Variants in ESRRG observed in about 807,000 individuals in gnomAD.
ESRRG encodes the protein estrogen related receptor gamma.
A neutral mutation model predicts 44.0 loss-of-function variants in ESRRG; 13 were observed. The ratio of observed to expected loss-of-function variants is 0.30; its 90% CI spans 0.19 to 0.47. The LOEUF is 0.47. Ranked by LOEUF, ESRRG falls within the 20% of genes least tolerant of loss-of-function variation. ESRRG has a pLI of 1.00. For missense variants in ESRRG, 395 were observed against 580.6 expected, an observed-to-expected ratio of 0.68 and a Z score of 3.29; for synonymous variants, 215 against 214.6, an observed-to-expected ratio of 1.00 and a Z score of -0.02.
chr1:216,679,273 C>T (rs993257781), intron 1 of ESRRG, among the ~76,000 whole-genome samples: 6 of 152,164 alleles, frequency 3.9e-5, no homozygotes, highest in Admixed American at 6.6e-5. Flanking sequence ...GCCTTGTACC[C>T]GTCACTGTTA....
At chr1:216,673,531 C>T (rs907459280) in intron 2 of ESRRG, among the ~76,000 whole-genome samples, 11 of 152,168 alleles carry the variant, frequency 7.2e-5, no homozygotes, top group Admixed American at 2.0e-4. Context: ...CTCTCCAATA[C>T]GGAGTAAAAC....
At chr1:216,657,456 T>C (rs1209422183) in intron 2 of ESRRG, among the ~76,000 whole-genome samples, 2 of 152,174 alleles carry the variant, frequency 1.3e-5, no homozygotes, top group African/African-American at 2.4e-5. Context: ...GGAGGCCCTA[T>C]ATTATACCTC....
At chr1:216,878,517 A>G (rs986221283) in intron 2 of ESRRG, among the ~76,000 whole-genome samples, 6 of 152,060 alleles carry the variant, frequency 3.9e-5, no homozygotes, top group Admixed American at 3.3e-4. Flanking sequence ...ATTTTCTTCT[A>G]TTTCTTTCAT....
chr1:216,977,367 CACACAT>C lies in ESRRG; in HGVS notation c.-105-37700_-105-37695del, dbSNP rs774898032. On this transcript the variant is annotated intron_variant, in intron 1 of 7. Coordinates refer to the ESRRG transcript ENST00000359162. Reference sequence around the variant, plus strand: ...ACACACACACACACACACACACACACACACATATACATATAGATAGATGCCTAAGAT... The same window carrying C: ...ACACACACACACACACACACACACACATACATATAGATAGATGCCTAAGAT... Among the ~76,000 whole-genome samples the C allele has an allele frequency of 7.7e-4, 117 of 151,838 alleles. 2 individuals carry two copies. In the East Asian group the frequency reaches 0.019, roughly 25 times the overall value.
intron 2 of ESRRG, among the ~76,000 whole-genome samples, chr1:216,763,078 A>C (rs528123350): frequency 5.1e-4 from 77 of 152,236 alleles, no homozygotes; most frequent in African/African-American, 1.6e-3. Context: ...GGGTTAGTGC[A>C]GGCAAGAAGG....
At chr1:216,788,566 G>A (rs1259065042) in intron 2 of ESRRG, among the ~76,000 whole-genome samples, 2 of 152,116 alleles carry the variant, frequency 1.3e-5, no homozygotes, top group African/African-American at 4.8e-5. Context: ...AGATGGACAA[G>A]GAGATGAGTG....
At chr1:216,726,782 C>T (rs1187018737), upstream of ESRRG, among the ~76,000 whole-genome samples, 3 of 152,076 alleles carry the variant, frequency 2.0e-5, no homozygotes, top group Admixed American at 2.0e-4. Context: ...TCATAAATAT[C>T]CAAACAAATT....
intron 2 of ESRRG, among the ~76,000 whole-genome samples, chr1:216,672,825 T>A (rs989105084): frequency 1.3e-5 from 2 of 152,034 alleles, no homozygotes; most frequent in Admixed American, 1.3e-4. Context: ...CAAGATCACA[T>A]CACTGTACAA....
At chr1:216,881,343 T>C (rs1023116397) in intron 2 of ESRRG, among the ~76,000 whole-genome samples, 3 of 152,164 alleles carry the variant, frequency 2.0e-5, no homozygotes, top group East Asian at 1.9e-4. Flanking sequence ...AAATTAACTA[T>C]AGTTAGCAAG....
intron 1 of ESRRG, among the ~76,000 whole-genome samples, chr1:216,719,525 T>C (rs1161436426): frequency 6.6e-6 from 1 of 152,032 alleles, no homozygotes. Flanking sequence ...TTCTTTTCTT[T>C]TTTCACTTTA....
intron 2 of ESRRG, among the ~76,000 whole-genome samples, chr1:216,898,116 A>G (rs912601578): frequency 6.6e-6 from 1 of 152,228 alleles, no homozygotes; most frequent in East Asian, 1.9e-4. Flanking sequence ...GCAGGGGGAA[A>G]AAATCAGAAA....
chr1:216,782,347 G>A (rs2093965642), intron 2 of ESRRG, among the ~76,000 whole-genome samples: 1 of 151,976 alleles, frequency 6.6e-6, no homozygotes, highest in Non-Finnish European at 1.5e-5. Flanking sequence ...TTCTTGGGGT[G>A]ATAAGTATTT....
intron 3 of ESRRG, among the ~76,000 whole-genome samples, chr1:216,576,797 T>G (rs1298441281): frequency 6.6e-6 from 1 of 152,034 alleles, no homozygotes; most frequent in East Asian, 1.9e-4. Flanking sequence ...GGAGCCCTAA[T>G]CTATGACACA....
chr1:216,711,388 C>T (rs1307848128), intron 1 of ESRRG, among the ~76,000 whole-genome samples: 2 of 152,164 alleles, frequency 1.3e-5, no homozygotes, highest in Admixed American at 6.5e-5. Flanking sequence ...AGTTTTAATA[C>T]TTCTCTGGGG....
chr1:216,729,303 C>A (rs1409788057), intron 2 of ESRRG, among the ~76,000 whole-genome samples: 1 of 152,118 alleles, frequency 6.6e-6, no homozygotes, highest in Non-Finnish European at 1.5e-5. Flanking sequence ...AATAGTGCCC[C>A]CGTTTGGAGA....
At chr1:216,923,811 C>T (rs1333112777) in intron 2 of ESRRG, among the ~76,000 whole-genome samples, 1 of 152,186 alleles carries the variant, frequency 6.6e-6, no homozygotes. Flanking sequence ...GCCTCTTTAA[C>T]ACTGAATTGG....
At chr1:216,652,516 T>G (rs976577191) in intron 2 of ESRRG, among the ~76,000 whole-genome samples, 6 of 152,122 alleles carry the variant, frequency 3.9e-5, no homozygotes, top group Non-Finnish European at 7.3e-5. Context: ...TAGTTTGAGA[T>G]AGCCTATCAG....
chr1:216,859,613 C>T lies in ESRRG; in HGVS notation c.-14+79969G>A, dbSNP rs187814080. ...CTAGGAATAATGCTTGCTCTCATCA[C>T]CCAGATTGGAAAAACCTCATGATTC... On this transcript the variant is annotated intron_variant, in intron 2 of 7. Coordinates refer to the ESRRG transcript ENST00000359162. Among the ~76,000 whole-genome samples, 431 of 152,238 alleles carry T rather than the reference C, an allele frequency of 2.8e-3. 1 individual carries two copies. The highest frequency in any genetic ancestry group is 9.9e-3 in the African/African-American group (412 of 41,546).
chr1:216,626,853 C>T (rs2063281050), intron 3 of ESRRG, among the ~76,000 whole-genome samples: 1 of 152,192 alleles, frequency 6.6e-6, no homozygotes. Flanking sequence ...ATGAGAGAGT[C>T]AGGGCATAGA....
Sources: gnomAD v4.1 joint callset for allele counts (sites outside exome capture counted in the v4.1 genomes callset) on GRCh38, gnomAD v4.1.1 for gene constraint, MANE v1.5 for transcripts, NCBI Gene and HGNC (gene_info 2026-07-23, HGNC 2026-07-21) for gene names.